TRAF7: variants seen among roughly 807,000 people sequenced by gnomAD.
The protein encoded by TRAF7 is TNF receptor associated factor 7.
TRAF7 carries 45 observed loss-of-function variants against 89.3 expected under a neutral mutation model. The observed-to-expected ratio is 0.50, with a 90% CI of 0.40 to 0.65. TRAF7 has a LOEUF of 0.65. Ranked by LOEUF, TRAF7 falls within the 30% of genes least tolerant of loss-of-function variation. TRAF7 has a pLI of 0.00. For synonymous variants in TRAF7, 406 were observed against 369.2 expected (o/e 1.10, Z -1.14); for missense variants, 677 against 918.1 (o/e 0.74, Z 3.39).
At chr16:2,173,870 C>CCCCCCCCCCCCCG in intron 12 of TRAF7, 34 bp downstream of exon 12, 3 of 1,606,158 alleles carry the variant, frequency 1.9e-6, no homozygotes, top group Non-Finnish European at 1.7e-6. Context: ...CCCGCCCACC[C>CCCCCCCCCCCCCG]TCCCCCCCGG....
In TRAF7 at chr16:2,173,349, A is replaced by G. The variant is rs927199700; in HGVS notation, c.962A>G (p.Lys321Arg). Residue 321 changes from lysine to arginine, a missense_variant, in exon 10 of 21, where the codon AAG (lysine) becomes AGG (arginine). Lys to Arg is a conservative substitution (Grantham distance 26). This residue lies in a region of TRAF7 where 238 missense variants were observed against 352.6 expected (regional missense o/e 0.67). Transcript: ENST00000326181. Reference sequence around the variant, plus strand: ...GCCTTCCTGCGCTCCATGCTGGGAAAGCTCTCGGAGAAGATCGACCAGCTA... The same window carrying G: ...GCCTTCCTGCGCTCCATGCTGGGAAGGCTCTCGGAGAAGATCGACCAGCTA... ...EIAFLRSMLG[K>R]LSEKIDQLEK... 6.2e-7 allele frequency: 1 copy of G among 1,613,520 alleles called. No individual in the cohort carries two copies. Among genetic ancestry groups the G allele is most frequent in the South Asian group, 1.1e-5 (1 of 91,082 alleles).
chr16:2,165,869 C>T lies in TRAF7; in HGVS notation c.82-10C>T, dbSNP rs762217549. ...GGAATGAGGCCAGGTCTCCTCCGTC[C>T]TCCCTCTAGACCAGAATGGAAACGA... is the stretch of plus-strand genomic sequence containing the variant. On this transcript the variant is annotated splice_polypyrimidine_tract_variant and intron_variant, in intron 2 of 20. Transcript: ENST00000326181. 4 of 1,614,070 alleles carry T rather than the reference C, an allele frequency of 2.5e-6. No homozygotes were observed. The highest frequency in any genetic ancestry group is 2.2e-5 in the South Asian group (2 of 91,088).
rs375408603 is a variant in TRAF7, at chr16:2,176,703, G to A, written c.*129G>A. On this transcript the variant is annotated 3_prime_UTR_variant, in exon 21 of 21. Coordinates refer to ENST00000326181, the MANE Select transcript of TRAF7 (RefSeq NM_032271.3). ...CATAGGTGGACAGGCTCTGGCAGCC[G>A]GGCAGTGCCCTCCCCGTCCCATGCT... 1,144 of 1,378,262 alleles carry A rather than the reference G, an allele frequency of 8.3e-4. 6 individuals are homozygous for A. The African/African-American group carries it at 0.014, about 17-fold the overall frequency. The allele number at this position is 1,378,262 out of a possible 1,614,324, so 85.4% of individuals were successfully genotyped here.
intron 2 of TRAF7, 69 bp from the exon 3 acceptor site, chr16:2,165,810 T>G (rs758826208): frequency 6.3e-7 from 1 of 1,582,732 alleles, no homozygotes; most frequent in South Asian, 1.1e-5. Flanking sequence ...GGCATGTGAG[T>G]GGGCTCCACA....
chr16:2,160,360 A>G (rs1013456740), intron 1 of TRAF7, among the ~76,000 whole-genome samples: 1 of 151,730 alleles, frequency 6.6e-6, no homozygotes, highest in African/African-American at 2.4e-5. Flanking sequence ...TTCCTCAATG[A>G]CTTTTCTCTT....
At chr16:2,164,134 GGT>G in intron 2 of TRAF7, 133 bp downstream of exon 2, 3 of 711,860 alleles carry the variant, frequency 4.2e-6, no homozygotes, top group Non-Finnish European at 6.8e-6. Flanking sequence ...GGTGGGGGGG[GGT>G]GTGGTGTGTG....
At chr16:2,164,400 A>T (rs1213071188) in intron 2 of TRAF7, among the ~76,000 whole-genome samples, 1 of 141,304 alleles carries the variant, frequency 7.1e-6, no homozygotes, top group Admixed American at 7.0e-5. Context: ...GCCTGGTCGC[A>T]TGGTTAAGCG....
chr16:2,172,367 G>A lies in TRAF7; in HGVS notation c.652G>A (p.Ala218Thr), dbSNP rs768623972. Residue 218 changes from alanine (A) to threonine (T), a missense_variant, in exon 8 of 21, where the codon GCC becomes ACC. Around this residue, in one of 6 missense-constraint regions of TRAF7, gnomAD observed 238 missense variants for 352.6 expected, o/e 0.67. Coordinates refer to ENST00000326181, the MANE Select transcript of TRAF7 (RefSeq NM_032271.3). ...RGCPFTIKLS[A>T]RKDHEGSCDY... ...GTGCCCCTTCACCATCAAGCTCAGC[G>A]CCCGGAAGTAAGTGCCCCTCCCTGG... 2.1e-5 allele frequency: 34 copies of A among 1,611,662 alleles called. No individual in the cohort carries two copies. The highest frequency in any genetic ancestry group is 1.3e-4 in the African/African-American group (10 of 74,900).
Position 2,163,711 on chromosome 16 carries a change from G to A in TRAF7, c.-38-172G>A, listed in dbSNP as rs2093066557. On this transcript the variant is annotated intron_variant, in intron 1 of 20. Coordinates refer to ENST00000326181, the MANE Select transcript of TRAF7 (RefSeq NM_032271.3). This position sits in a 1 kb window ranked among gnomAD's most constrained non-coding sequence, Gnocchi z 4.3. ...CGGGCCTCTGCATACCTGGGATCGG[G>A]GTGAAGGACCTTTGCCTCCTAGAGG... 1 of 601,184 alleles carries A rather than the reference G, an allele frequency of 1.7e-6. No homozygotes were observed. The highest frequency in any genetic ancestry group is 3.0e-6 in the Non-Finnish European group (1 of 336,252). 37.2% of individuals were successfully genotyped at this position (601,184 alleles called of 1,614,324 possible).
Position 2,168,055 on chromosome 16 carries a change from C to T in TRAF7, c.140-22C>T, listed in dbSNP as rs374627095. On this transcript the variant is annotated intron_variant, in intron 3 of 20. Transcript: ENST00000326181. The surrounding 1 kb of genome is among the most constrained non-coding windows in gnomAD (Gnocchi z 4.1). The stretch of plus-strand genomic sequence containing the variant: ...TCTGCTGAGGGAGCCCCCACTGAGA[C>T]GCCAGCCCTCTTGCCTTGCAGCTGA... 62 of 1,607,386 alleles carry T rather than the reference C, an allele frequency of 3.9e-5. No individual in the cohort carries two copies. The highest frequency in any genetic ancestry group is 1.0e-4 in the Admixed American group (6 of 59,946).
At chr16:2,174,426 G>A (rs1567253023) in intron 14 of TRAF7, 93 bp downstream of exon 14, 4 of 1,273,250 alleles carry the variant, frequency 3.1e-6, no homozygotes, top group Non-Finnish European at 2.2e-6. Context: ...TCGAGCCTGT[G>A]TAGCTATGTG....
intron 1 of TRAF7, among the ~76,000 whole-genome samples, chr16:2,156,872 A>AGAGG (rs1182156556): frequency 3.4e-4 from 51 of 152,104 alleles, no homozygotes; most frequent in African/African-American, 1.1e-3. Context: ...GAAGCAGGAG[A>AGAGG]GAGGGAGGCT....
chr16:2,160,373 A>G (rs1479149836), intron 1 of TRAF7, among the ~76,000 whole-genome samples: 1 of 151,766 alleles, frequency 6.6e-6, no homozygotes, highest in African/African-American at 2.4e-5. Flanking sequence ...TTTCTCTTTC[A>G]AAGATCGAAT....
intron 13 of TRAF7, 42 bp downstream of exon 13, chr16:2,174,090 T>TGGGCACTGCCACATGCC: frequency 1.2e-6 from 2 of 1,609,290 alleles, no homozygotes; most frequent in Non-Finnish European, 1.7e-6. Context: ...CTGGCTGGGC[T>TGGGCACTGCCACATGCC]GGGCACTGCC....
Position 2,158,767 on chromosome 16 carries a change from GC to G in TRAF7, c.-39+2910del, listed in dbSNP as rs1347045589. Among the ~76,000 whole-genome samples the G allele has an allele frequency of 9.6e-3, 1,345 of 139,400 alleles. 30 individuals are homozygous for G. Among genetic ancestry groups the G allele is most frequent in the African/African-American group, 0.034 (1,276 of 37,796 alleles). 91.5% of individuals were successfully genotyped at this position (139,400 alleles called of 152,430 possible). A position where few individuals can be genotyped will look rare whatever the true frequency, so the allele number is the denominator to read the frequency against. On this transcript the variant is annotated intron_variant, in intron 1 of 20. Transcript: ENST00000326181. This position sits in a 1 kb window ranked among gnomAD's most constrained non-coding sequence, Gnocchi z 4.7. ...CGTGGGACTGGGAAGCGTGGGCTCG[GC>G]GGGGGGGGGGGGGACACTGCCACCC...
chr16:2,156,220 C>T (rs1339583523), intron 1 of TRAF7, among the ~76,000 whole-genome samples: 1 of 152,146 alleles, frequency 6.6e-6, no homozygotes, highest in African/African-American at 2.4e-5. Context: ...CAGGGTTCCC[C>T]AACCTCCGCA....
chr16:2,169,792 A>G (rs2141282478), intron 4 of TRAF7, among the ~76,000 whole-genome samples: 1 of 152,312 alleles, frequency 6.6e-6, no homozygotes, highest in South Asian at 2.1e-4. Context: ...CATGGCACAC[A>G]ATGCCCCCCG....
chr16:2,166,368 G>A (rs1414490645), intron 3 of TRAF7, among the ~76,000 whole-genome samples: 3 of 152,176 alleles, frequency 2.0e-5, no homozygotes, highest in African/African-American at 7.2e-5. Flanking sequence ...CTGCAGTTGT[G>A]ACATGTTAAT....
In TRAF7 at chr16:2,168,540, C is replaced by T. The variant is rs932834312; in HGVS notation, c.231+372C>T. 2.5e-5 allele frequency: 5 copies of T among 197,786 alleles called. No homozygotes were observed. Among genetic ancestry groups the T allele is most frequent in the African/African-American group, 9.6e-5 (4 of 41,656 alleles). 12.3% of individuals were successfully genotyped at this position (197,786 alleles called of 1,614,324 possible). A position where few individuals can be genotyped will look rare whatever the true frequency, so the allele number is the denominator to read the frequency against. ...CCTTTGCTGCTGGGTAGGGAATGAGCGGGGTTGCTGGGTCCAGGCAGGGTT... is the reference window on the plus strand; with the variant it reads ...CCTTTGCTGCTGGGTAGGGAATGAGTGGGGTTGCTGGGTCCAGGCAGGGTT... On this transcript the variant is annotated intron_variant, in intron 4 of 20. Transcript: ENST00000326181. The surrounding 1 kb of genome is among the most constrained non-coding windows in gnomAD (Gnocchi z 4.1).
Sources: allele counts gnomAD v4.1 joint callset (sites outside exome capture counted in the v4.1 genomes callset), GRCh38; gene constraint gnomAD v4.1.1; regional missense constraint gnomAD v4.1.1; non-coding constraint Gnocchi (gnomAD v3.1); transcripts MANE v1.5; gene names NCBI Gene and HGNC (gene_info 2026-07-23, HGNC 2026-07-21).